Variants in NCKAP5 observed in about 807,000 individuals in gnomAD.
NCKAP5 encodes the protein nck-associated protein 5.
In NCKAP5, 92 loss-of-function variants were observed where a neutral mutation model predicts 167.0. The observed-to-expected ratio is 0.55, with a 90% CI of 0.47 to 0.66. The LOEUF is 0.66. Among genes scored for constraint, NCKAP5 ranks in the 30% least tolerant of loss-of-function variants. The pLI is 0.00. For synonymous variants in NCKAP5, 891 were observed against 877.4 expected, an observed-to-expected ratio of 1.02 and a Z score of -0.27; for missense variants, 2,378 against 2,315.0, an observed-to-expected ratio of 1.03 and a Z score of -0.56.
chr2:133,170,141 T>A (rs1319105572), intron 5 of NCKAP5, among the ~76,000 whole-genome samples: 1 of 152,138 alleles, frequency 6.6e-6, no homozygotes, highest in African/African-American at 2.4e-5. Flanking sequence ...AGGATGGGCA[T>A]TTTAAAAGAG....
At chr2:133,411,755 A>G (rs1688787405) in intron 3 of NCKAP5, among the ~76,000 whole-genome samples, 1 of 152,210 alleles carries the variant, frequency 6.6e-6, no homozygotes, top group African/African-American at 2.4e-5. Flanking sequence ...AAGCCCAACA[A>G]TTCACAAGCC....
chr2:133,044,059 T>C (rs970854046), intron 6 of NCKAP5, among the ~76,000 whole-genome samples: 1 of 152,158 alleles, frequency 6.6e-6, no homozygotes, highest in African/African-American at 2.4e-5. Context: ...TGTGATGTAA[T>C]TGGCATTGCA....
chr2:132,703,135 C>T (rs1197605711), intron 19 of NCKAP5, among the ~76,000 whole-genome samples: 2 of 152,018 alleles, frequency 1.3e-5, no homozygotes, highest in Non-Finnish European at 2.9e-5. Flanking sequence ...GAGCTATGAT[C>T]ATACTAGTAC....
At chr2:133,218,434 G>C (rs1574414210) in intron 4 of NCKAP5, among the ~76,000 whole-genome samples, 1 of 152,120 alleles carries the variant, frequency 6.6e-6, no homozygotes, top group Non-Finnish European at 1.5e-5. Context: ...CTCCACTCAT[G>C]GAAGCTGAGT....
intron 3 of NCKAP5, among the ~76,000 whole-genome samples, chr2:133,361,035 G>T (rs1685068555): frequency 6.7e-6 from 1 of 149,994 alleles, no homozygotes; most frequent in Admixed American, 6.6e-5. Context: ...GACCTATGCT[G>T]GTGACTGGAG....
In NCKAP5 at chr2:132,753,854, G is replaced by A. The variant is rs149580809; in HGVS notation, c.5128+19962C>T. Among the ~76,000 whole-genome samples, 1,055 of 152,276 alleles carry A rather than the reference G, an allele frequency of 6.9e-3. 16 individuals carry two copies. The highest frequency in any genetic ancestry group is 0.024 in the African/African-American group (977 of 41,552). On this transcript the variant is annotated intron_variant, in intron 16 of 19. Transcript: ENST00000409261. Reference sequence around the variant, plus strand: ...CCCCTTCCACGGGGCTTTACTACTTGAGCATGTCCAACTGCCGGCAGCCAT... The same window carrying A: ...CCCCTTCCACGGGGCTTTACTACTTAAGCATGTCCAACTGCCGGCAGCCAT...
the NCKAP5 span, among the ~76,000 whole-genome samples, chr2:133,621,642 T>G: frequency 6.6e-6 from 1 of 151,740 alleles, no homozygotes; most frequent in Admixed American, 6.6e-5. Context: ...AATGGTAATT[T>G]AAAAATTGCC....
At chr2:133,129,517 C>T (rs556818442) in intron 6 of NCKAP5, among the ~76,000 whole-genome samples, 1 of 152,276 alleles carries the variant, frequency 6.6e-6, no homozygotes, top group South Asian at 2.1e-4. Flanking sequence ...TGGGTTGGTT[C>T]CAAGTCTTTG....
intron 19 of NCKAP5, among the ~76,000 whole-genome samples, chr2:132,715,540 T>C (rs13033438): frequency 0.49 from 74,645 of 152,102 alleles, 21,956 homozygotes; most frequent in African/African-American, 0.8. Context: ...TAACTGTCCT[T>C]GGGTAACTTT....
intron 7 of NCKAP5, among the ~76,000 whole-genome samples, chr2:132,975,276 G>T (rs2076946805): frequency 6.6e-6 from 1 of 152,110 alleles, no homozygotes; most frequent in African/African-American, 2.4e-5. Flanking sequence ...AAATCCCCAA[G>T]ATTAAATGTG....
At chr2:132,722,482 T>C (rs11695318) in intron 19 of NCKAP5, among the ~76,000 whole-genome samples, 30,682 of 152,166 alleles carry the variant, frequency 0.2, 3,646 homozygotes, top group Non-Finnish European at 0.28. Context: ...GTCTTCCTCT[T>C]CTCTGTGACT....
At chr2:132,862,779 C>A (rs199607907) in intron 10 of NCKAP5, among the ~76,000 whole-genome samples, 1,530 of 70,412 alleles carry the variant, frequency 0.022, 33 homozygotes, top group African/African-American at 0.093. Flanking sequence ...AAAAAAAAAA[C>A]CAAAAAAAAA....
rs1559043688 is a variant in NCKAP5, at chr2:133,006,991, G to T, written c.342-12752C>A. ...ATATTTCAGAGTAGCTTCTCTTAAA[G>T]AAGCAGATATTGTAAACCACAGCAC... is the stretch of plus-strand genomic sequence containing the variant. On this transcript the variant is annotated intron_variant, in intron 6 of 19. Coordinates refer to ENST00000409261, the MANE Select transcript of NCKAP5 (RefSeq NM_207363.3). 3.3e-5 allele frequency among the ~76,000 whole-genome samples: 5 copies of T among 152,150 alleles called. No individual in the cohort carries two copies. In the South Asian group the frequency reaches 1.0e-3, roughly 32 times the overall value.
At chr2:133,388,374 T>C (rs747989155) in intron 3 of NCKAP5, among the ~76,000 whole-genome samples, 2 of 152,176 alleles carry the variant, frequency 1.3e-5, no homozygotes, top group African/African-American at 2.4e-5. Flanking sequence ...GAACAGCAAA[T>C]GTTGCTGTCT....
At chr2:133,666,386 C>T in the NCKAP5 span, among the ~76,000 whole-genome samples, 4 of 151,448 alleles carry the variant, frequency 2.6e-5, 1 homozygote, top group African/African-American at 9.7e-5. Context: ...TTAGTAGGGA[C>T]GGGGTTTCAA....
chr2:133,312,882 A>T lies in NCKAP5; in HGVS notation c.70-9772T>A, dbSNP rs113860632. On this transcript the variant is annotated intron_variant, in intron 3 of 19. Coordinates refer to ENST00000409261, the MANE Select transcript of NCKAP5 (RefSeq NM_207363.3). ...CATCTCTATATTACTTTATTGATTGATGTTGTTTGTAGATGTTATAGTTTT... is the reference window on the plus strand; with the variant it reads ...CATCTCTATATTACTTTATTGATTGTTGTTGTTTGTAGATGTTATAGTTTT... Among the ~76,000 whole-genome samples, 937 of 152,258 alleles carry T rather than the reference A, an allele frequency of 6.2e-3. 3 individuals carry two copies. The highest frequency in any genetic ancestry group is 0.048 in the Middle Eastern group (14 of 292).
intron 3 of NCKAP5, among the ~76,000 whole-genome samples, chr2:133,401,243 C>T (rs749627633): frequency 5.3e-5 from 8 of 152,206 alleles, no homozygotes; most frequent in Non-Finnish European, 1.0e-4. Context: ...CCGGAGAGAG[C>T]ATAGAAACTC....
chr2:133,020,255 A>C (rs2078479125), intron 6 of NCKAP5, among the ~76,000 whole-genome samples: 1 of 152,216 alleles, frequency 6.6e-6, no homozygotes, highest in African/African-American at 2.4e-5. Context: ...GATAAGCTGT[A>C]GAATTTGGAC....
rs949845575 is a variant in NCKAP5, at chr2:132,743,963, G to A, written c.5129-11912C>T. Among the ~76,000 whole-genome samples the A allele has an allele frequency of 5.9e-5, 9 of 151,586 alleles. No homozygotes were observed. The South Asian group carries it at 1.9e-3, about 31-fold the overall frequency. ...CAGGGATCAGAAGAAATATGTTATA[G>A]TTATAACAAGGTAAATTTATCAAGA... On this transcript the variant is annotated intron_variant, in intron 16 of 19. Transcript: ENST00000409261.
Sources: gnomAD v4.1 joint callset for allele counts (sites outside exome capture counted in the v4.1 genomes callset) on GRCh38, gnomAD v4.1.1 for gene constraint, MANE v1.5 for transcripts, NCBI Gene and HGNC (gene_info 2026-07-23, HGNC 2026-07-21) for gene names.